Variants in UBE2D1 observed in about 807,000 individuals in gnomAD.
The protein encoded by UBE2D1 is ubiquitin conjugating enzyme E2 D1.
UBE2D1 carries 9 observed loss-of-function variants against 24.6 expected under a neutral mutation model. The ratio of observed to expected loss-of-function variants is 0.37; its 90% CI spans 0.22 to 0.64. The LOEUF (loss-of-function observed/expected upper bound fraction) is 0.64, where lower values mean the gene tolerates loss of function less well. Ranked by LOEUF, UBE2D1 falls within the 30% of genes least tolerant of loss-of-function variation. The probability of loss-of-function intolerance (pLI) is 0.64; values close to 1 mark genes in which losing one functional copy is unlikely to be tolerated. For synonymous variants in UBE2D1, 57 were observed against 57.6 expected, an observed-to-expected ratio of 0.99 and a Z score of 0.04; for missense variants, 87 against 177.1, an observed-to-expected ratio of 0.49 and a Z score of 2.89.
rs373361813 is a variant in UBE2D1 at position 58,356,747 on chromosome 10, A to G, written c.25-4591A>G. ...GTGGATGGAAGTATTGTAATTGACA[A>G]TGGTTTGGTCCAGGTATGGTCTTGT... On this transcript the variant is annotated intron_variant, in intron 1 of 6. Coordinates refer to ENST00000373910, the MANE Select transcript of UBE2D1 (RefSeq NM_003338.5). Among the ~76,000 whole-genome samples the G allele has an allele frequency of 2.2e-4, 34 of 152,324 alleles. No homozygotes were observed. In the East Asian group the frequency reaches 4.0e-3, roughly 18 times the overall value.
At chr10:58,356,573 G>A (rs995158908) in intron 1 of UBE2D1, among the ~76,000 whole-genome samples, 5 of 152,018 alleles carry the variant, frequency 3.3e-5, no homozygotes, top group African/African-American at 1.2e-4. Flanking sequence ...TTAGCTACCA[G>A]GGCAGTAATT....
intron 1 of UBE2D1, among the ~76,000 whole-genome samples, chr10:58,340,245 C>A (rs1839948244): frequency 1.3e-5 from 2 of 152,082 alleles, no homozygotes; most frequent in Admixed American, 6.6e-5. Flanking sequence ...TTTGGATAAG[C>A]CACCTAGTCA....
chr10:58,349,823 C>G (rs1639969865), intron 1 of UBE2D1, among the ~76,000 whole-genome samples: 1 of 152,138 alleles, frequency 6.6e-6, no homozygotes, highest in African/African-American at 2.4e-5. Context: ...CCTCTGTCGT[C>G]AAGGTAAATC....
intron 3 of UBE2D1, among the ~76,000 whole-genome samples, chr10:58,363,249 T>C (rs1225071810): frequency 1.3e-5 from 2 of 152,148 alleles, no homozygotes; most frequent in Non-Finnish European, 2.9e-5. Flanking sequence ...CTGCAGAAAA[T>C]GATCTTTTCC....
intron 1 of UBE2D1, among the ~76,000 whole-genome samples, chr10:58,357,189 T>C (rs1218459064): frequency 6.6e-6 from 1 of 152,126 alleles, no homozygotes; most frequent in Non-Finnish European, 1.5e-5. Context: ...AATTCTTACT[T>C]GGTGAGTAGG....
intron 1 of UBE2D1, among the ~76,000 whole-genome samples, chr10:58,342,865 T>C (rs1839976859): frequency 6.6e-6 from 1 of 150,908 alleles, no homozygotes; most frequent in Non-Finnish European, 1.5e-5. Context: ...AGTTTGCTCT[T>C]GTCGCCCAGG....
chr10:58,361,536 A>T lies in UBE2D1; in HGVS notation c.120+10A>T. On this transcript the variant is annotated intron_variant, in intron 3 of 6. Coordinates refer to ENST00000373910, the MANE Select transcript of UBE2D1 (RefSeq NM_003338.5). Reference sequence around the variant, plus strand: ...CACTATTATGGGGCCTGTAAGTATGATTCATATCTATGAAATTAACCCCCT... The same window carrying T: ...CACTATTATGGGGCCTGTAAGTATGTTTCATATCTATGAAATTAACCCCCT... 1 of 1,613,994 alleles carries T rather than the reference A, an allele frequency of 6.2e-7. No homozygotes were observed. The highest frequency in any genetic ancestry group is 1.1e-5 in the South Asian group (1 of 91,072).
intron 3 of UBE2D1, among the ~76,000 whole-genome samples, chr10:58,362,074 A>C (rs80092079): frequency 6.6e-6 from 1 of 152,200 alleles, no homozygotes; most frequent in Non-Finnish European, 1.5e-5. Flanking sequence ...CTGTTTGATA[A>C]TTGGCTACTC....
chr10:58,353,924 T>G (rs1263238235), intron 1 of UBE2D1, among the ~76,000 whole-genome samples: 1 of 152,222 alleles, frequency 6.6e-6, no homozygotes, highest in Non-Finnish European at 1.5e-5. Flanking sequence ...TATTGCTGAT[T>G]CAAATAATAC....
At chr10:58,341,433 T>A (rs1252346592) in intron 1 of UBE2D1, among the ~76,000 whole-genome samples, 2 of 152,174 alleles carry the variant, frequency 1.3e-5, no homozygotes, top group Admixed American at 6.5e-5. Context: ...AATTTTTTTT[T>A]AAATCTTTGT....
At chr10:58,339,582 A>G (rs1839940918) in intron 1 of UBE2D1, among the ~76,000 whole-genome samples, 1 of 152,208 alleles carries the variant, frequency 6.6e-6, no homozygotes, top group Admixed American at 6.5e-5. Context: ...AGTACTTGAC[A>G]TATATTAATT....
At chr10:58,364,247 T>C (rs1310691207) in intron 4 of UBE2D1, among the ~76,000 whole-genome samples, 1 of 152,154 alleles carries the variant, frequency 6.6e-6, no homozygotes, top group Non-Finnish European at 1.5e-5. Context: ...GATATAATTA[T>C]TTTAAATAGT....
At chr10:58,336,582 A>G (rs1696680960) in intron 1 of UBE2D1, among the ~76,000 whole-genome samples, 1 of 152,244 alleles carries the variant, frequency 6.6e-6, no homozygotes, top group South Asian at 2.1e-4. Context: ...AATCAGCATC[A>G]GCATTTATTA....
intron 1 of UBE2D1, among the ~76,000 whole-genome samples, chr10:58,360,410 C>T (rs1424405681): frequency 3.3e-5 from 5 of 150,762 alleles, no homozygotes; most frequent in Non-Finnish European, 7.4e-5. Flanking sequence ...TCTATTAGAA[C>T]TGGAATTCTC....
chr10:58,363,556 G>T, intron 3 of UBE2D1, 53 bp from the exon 4 acceptor site: 2 of 1,303,650 alleles, frequency 1.5e-6, no homozygotes, highest in Non-Finnish European at 2.1e-6. Flanking sequence ...TAATTTTGTT[G>T]TTATAAATAA....
In UBE2D1 at chr10:58,352,879, C is replaced by T. The variant is rs187187916; in HGVS notation, c.25-8459C>T. The stretch of plus-strand genomic sequence containing the variant: ...TTTTTACTAGTTCCTTACTAGATCA[C>T]TCTTCTGTCCTAGGATAAACTTTCT... On this transcript the variant is annotated intron_variant, in intron 1 of 6. Transcript: ENST00000373910. Among the ~76,000 whole-genome samples, 69 of 152,222 alleles carry T rather than the reference C, an allele frequency of 4.5e-4. 1 individual carries two copies. Among genetic ancestry groups the T allele is most frequent in the Admixed American group, 9.8e-4 (15 of 15,292 alleles).
intron 6 of UBE2D1, chr10:58,368,508 T>C: frequency 2.9e-6 from 1 of 349,058 alleles, no homozygotes; most frequent in East Asian, 4.2e-5. Flanking sequence ...TTGGATACAT[T>C]TTCATATAGG....
intron 5 of UBE2D1, among the ~76,000 whole-genome samples, chr10:58,366,499 A>G (rs1363047745): frequency 6.6e-6 from 1 of 151,834 alleles, no homozygotes; most frequent in East Asian, 1.9e-4. Flanking sequence ...CAGAGGAGGA[A>G]CTTCCTTCTT....
chr10:58,344,799 T>G (rs916579220), intron 1 of UBE2D1, among the ~76,000 whole-genome samples: 1 of 152,044 alleles, frequency 6.6e-6, no homozygotes, highest in Non-Finnish European at 1.5e-5. Context: ...CTTAAGATTG[T>G]TTTATCCACA....
Sources: gnomAD v4.1 joint callset for allele counts (sites outside exome capture counted in the v4.1 genomes callset) on GRCh38, gnomAD v4.1.1 for gene constraint, MANE v1.5 for transcripts, NCBI Gene and HGNC (gene_info 2026-07-23, HGNC 2026-07-21) for gene names.